Variants in PCDH9 observed in about 807,000 individuals in gnomAD.
PCDH9 encodes protocadherin-9.
A neutral mutation model predicts 70.6 loss-of-function variants in PCDH9; 24 were observed. That is an observed-to-expected ratio of 0.34 (90% CI 0.25 to 0.48). The LOEUF (loss-of-function observed/expected upper bound fraction) is 0.48, where lower values mean the gene tolerates loss of function less well. PCDH9 is among the 20% of genes least tolerant of loss of function. PCDH9 has a pLI of 0.99. For synonymous variants in PCDH9, 562 were observed against 558.5 expected (o/e 1.01, Z -0.09); for missense variants, 1,281 against 1,503.6 (o/e 0.85, Z 2.45).
intron 3 of PCDH9, among the ~76,000 whole-genome samples, chr13:66,888,153 C>T (rs1287805893): frequency 6.6e-6 from 1 of 152,070 alleles, no homozygotes; most frequent in Admixed American, 6.6e-5. Flanking sequence ...AATTGCCATT[C>T]TCATCAACTA....
At chr13:66,546,470 A>G (rs934511319) in intron 4 of PCDH9, among the ~76,000 whole-genome samples, 10 of 152,190 alleles carry the variant, frequency 6.6e-5, no homozygotes, top group African/African-American at 2.4e-4. Flanking sequence ...GTGGATATAA[A>G]GAAAGAAAAT....
intron 4 of PCDH9, among the ~76,000 whole-genome samples, chr13:66,482,087 G>C (rs908612737): frequency 6.6e-6 from 1 of 152,118 alleles, no homozygotes; most frequent in Non-Finnish European, 1.5e-5. Flanking sequence ...GATAGAGGGT[G>C]AGTTTATTAG....
Position 67,225,470 on chromosome 13 carries a change from A to C in PCDH9, c.2971T>G (p.Phe991Val). The change falls in exon 2 of 5, where the codon TTC becomes GTC. Residue 991 changes from phenylalanine to valine, a missense_variant. Physicochemically the swap from Phe to Val is conservative, Grantham distance 50. This residue lies in a region of PCDH9 where 12 missense variants were observed against 29.9 expected (regional missense o/e 0.40). Coordinates refer to ENST00000377865, the MANE Select transcript of PCDH9 (RefSeq NM_203487.3). ...TGGGAACTGCACTCTGAGGCACTGA[A>C]GTGATCTGAACTAGTGGAAGAGCGT... Reference protein sequence around the residue: ...SKRSSTSSDHFSASECSSQGG... With the variant: ...SKRSSTSSDHVSASECSSQGG... 1 of 1,614,118 alleles carries C rather than the reference A, an allele frequency of 6.2e-7. No homozygotes were observed. The highest frequency in any genetic ancestry group is 1.3e-5 in the African/African-American group (1 of 75,060).
chr13:66,761,838 T>C (rs1204546150), intron 3 of PCDH9, among the ~76,000 whole-genome samples: 1 of 152,172 alleles, frequency 6.6e-6, no homozygotes, highest in South Asian at 2.1e-4. Flanking sequence ...AATCATTATT[T>C]TGAATTTATT....
Position 67,182,025 on chromosome 13 carries a change from G to T in PCDH9, c.3036+43380C>A, listed in dbSNP as rs548430259. 2.6e-5 allele frequency among the ~76,000 whole-genome samples: 4 copies of T among 152,190 alleles called. No homozygotes were observed. The South Asian group carries it at 8.3e-4, about 32-fold the overall frequency. On this transcript the variant is annotated intron_variant, in intron 2 of 4. Coordinates refer to ENST00000377865, the MANE Select transcript of PCDH9 (RefSeq NM_203487.3). ...TTCCTCTCCTCCTGCCTCTGAATGT[G>T]GGCATGGCTCAAGGCTCTGCCCCTG...
intron 4 of PCDH9, among the ~76,000 whole-genome samples, chr13:66,465,086 T>A (rs1958493957): frequency 2.0e-5 from 3 of 151,872 alleles, no homozygotes; most frequent in Non-Finnish European, 4.4e-5. Context: ...GCAGTAGCAA[T>A]TTATACATCT....
At chr13:67,030,936 T>C (rs2084893291) in intron 2 of PCDH9, among the ~76,000 whole-genome samples, 1 of 152,222 alleles carries the variant, frequency 6.6e-6, no homozygotes, top group Non-Finnish European at 1.5e-5. Flanking sequence ...ATACTCTTAG[T>C]GACACTGATA....
chr13:66,846,309 G>A (rs1331675528), intron 3 of PCDH9, among the ~76,000 whole-genome samples: 2 of 152,040 alleles, frequency 1.3e-5, no homozygotes, highest in Non-Finnish European at 2.9e-5. Context: ...GTCTAAATAT[G>A]CAAGGAAATC....
chr13:66,865,972 T>C (rs1594173541), intron 3 of PCDH9, among the ~76,000 whole-genome samples: 1 of 152,204 alleles, frequency 6.6e-6, no homozygotes, highest in African/African-American at 2.4e-5. Context: ...CACATTTTCA[T>C]TTTTATTAAA....
intron 2 of PCDH9, among the ~76,000 whole-genome samples, chr13:66,980,742 G>GTTTTTTTTTTTTT (rs550869529): frequency 6.5e-5 from 7 of 107,376 alleles, no homozygotes; most frequent in Non-Finnish European, 9.1e-5. Flanking sequence ...TTTTTTTTTT[G>GTTTTTTTTTTTTT]TTTTTTTTTT....
chr13:67,154,413 A>G (rs1246413022), intron 2 of PCDH9, among the ~76,000 whole-genome samples: 1 of 151,460 alleles, frequency 6.6e-6, no homozygotes. Context: ...CCTCGTCTCT[A>G]TGAAAATACA....
intron 3 of PCDH9, among the ~76,000 whole-genome samples, chr13:66,871,971 A>G (rs2081699406): frequency 6.6e-6 from 1 of 152,126 alleles, no homozygotes; most frequent in Non-Finnish European, 1.5e-5. Flanking sequence ...AGAATGAGCC[A>G]CAATTCCTTT....
chr13:66,665,714 G>T (rs1468056210), intron 3 of PCDH9, among the ~76,000 whole-genome samples: 1 of 152,080 alleles, frequency 6.6e-6, no homozygotes, highest in Admixed American at 6.6e-5. Flanking sequence ...CTCTGCACAT[G>T]CTTTCCAATT....
At chr13:67,083,234 A>T (rs2086022559) in intron 2 of PCDH9, among the ~76,000 whole-genome samples, 1 of 152,176 alleles carries the variant, frequency 6.6e-6, no homozygotes, top group African/African-American at 2.4e-5. Flanking sequence ...TCTCTGTTGA[A>T]TTCAATTTTA....
intron 4 of PCDH9, among the ~76,000 whole-genome samples, chr13:66,466,642 C>G (rs1328723753): frequency 2.0e-5 from 3 of 152,106 alleles, no homozygotes; most frequent in Non-Finnish European, 4.4e-5. Context: ...CCACTTCCAT[C>G]ACGTTAATTT....
intron 3 of PCDH9, among the ~76,000 whole-genome samples, chr13:66,819,962 G>A (rs1566215893): frequency 1.3e-5 from 2 of 152,124 alleles, no homozygotes; most frequent in East Asian, 3.9e-4. Flanking sequence ...ATTAGAAAGG[G>A]TAACCATGAT....
chr13:67,021,975 A>C (rs1397429924), intron 2 of PCDH9, among the ~76,000 whole-genome samples: 3 of 152,090 alleles, frequency 2.0e-5, no homozygotes, highest in African/African-American at 7.2e-5. Flanking sequence ...TAAAATATTC[A>C]CCAAGTGGAA....
intron 2 of PCDH9, among the ~76,000 whole-genome samples, chr13:67,105,761 A>G (rs553070560): frequency 6.6e-6 from 1 of 152,042 alleles, no homozygotes; most frequent in Non-Finnish European, 1.5e-5. Flanking sequence ...AATTTTGACA[A>G]TTGCTTAAAT....
At chr13:66,890,725 AT>A (rs2082083173) in intron 3 of PCDH9, among the ~76,000 whole-genome samples, 1 of 151,884 alleles carries the variant, frequency 6.6e-6, no homozygotes, top group Admixed American at 6.6e-5. Context: ...CTATCACCTA[AT>A]AGCCTCCAAT....
Sources: gnomAD v4.1 joint callset for allele counts (sites outside exome capture counted in the v4.1 genomes callset) on GRCh38, gnomAD v4.1.1 for gene constraint, gnomAD v4.1.1 regional missense constraint, MANE v1.5 for transcripts, NCBI Gene and HGNC (gene_info 2026-07-23, HGNC 2026-07-21) for gene names.